RABGAP1L: variants seen among roughly 807,000 people sequenced by gnomAD.
RABGAP1L encodes the protein RAB GTPase activating protein 1 like.
A neutral mutation model predicts 137.7 loss-of-function variants in RABGAP1L; 63 were observed. The observed-to-expected ratio is 0.46, with a 90% CI of 0.37 to 0.56. The LOEUF is 0.56. Ranked by LOEUF, RABGAP1L falls within the 20% of genes least tolerant of loss-of-function variation. The probability of loss-of-function intolerance (pLI) is 0.00; values close to 1 mark genes in which losing one functional copy is unlikely to be tolerated. For synonymous variants in RABGAP1L, 431 were observed against 433.7 expected (o/e 0.99, Z 0.08); for missense variants, 1,095 against 1,244.0 (o/e 0.88, Z 1.80).
intron 13 of RABGAP1L, among the ~76,000 whole-genome samples, chr1:174,489,356 A>G (rs1359611315): frequency 6.6e-6 from 1 of 152,162 alleles, no homozygotes; most frequent in Non-Finnish European, 1.5e-5. Flanking sequence ...ACCCCATCAA[A>G]AAGTGGACGA....
intron 18 of RABGAP1L, among the ~76,000 whole-genome samples, chr1:174,789,357 A>G (rs534267544): frequency 9.8e-5 from 15 of 152,330 alleles, no homozygotes; most frequent in African/African-American, 2.9e-4. Context: ...TTTAGTATGT[A>G]AAAACATGGG....
At chr1:174,856,579 C>G (rs181361103) in intron 19 of RABGAP1L, among the ~76,000 whole-genome samples, 1 of 152,172 alleles carries the variant, frequency 6.6e-6, no homozygotes, top group East Asian at 1.9e-4. Context: ...AGGTCAACCA[C>G]TGTTTTACTG....
chr1:174,977,312 G>A (rs1235600416), intron 22 of RABGAP1L, among the ~76,000 whole-genome samples: 2 of 152,110 alleles, frequency 1.3e-5, no homozygotes, highest in African/African-American at 4.8e-5. Context: ...ATTTTCAGGG[G>A]CTGATTACCC....
At chr1:174,938,563 G>A (rs1345151782) in intron 19 of RABGAP1L, 1 of 152,190 alleles carries the variant, frequency 6.6e-6, no homozygotes, top group Admixed American at 6.5e-5. Flanking sequence ...ATGAAAGACA[G>A]CAACAGACTC....
chr1:174,173,679 G>A (rs1034473243), intron 1 of RABGAP1L, among the ~76,000 whole-genome samples: 1 of 150,530 alleles, frequency 6.6e-6, no homozygotes, highest in Non-Finnish European at 1.5e-5. Flanking sequence ...TTATTTATAA[G>A]GTAGAATATG....
intron 19 of RABGAP1L, among the ~76,000 whole-genome samples, chr1:174,881,658 C>T (rs1249762492): frequency 6.6e-6 from 1 of 151,702 alleles, no homozygotes; most frequent in Non-Finnish European, 1.5e-5. Context: ...AGCCACCATG[C>T]CCAGCTAATT....
chr1:174,926,129 G>C (rs1223009200), intron 19 of RABGAP1L, among the ~76,000 whole-genome samples: 2 of 151,646 alleles, frequency 1.3e-5, no homozygotes, highest in Non-Finnish European at 2.9e-5. Flanking sequence ...TTTTGTGTCT[G>C]GGCTCTTTAA....
intron 13 of RABGAP1L, among the ~76,000 whole-genome samples, chr1:174,556,779 C>G (rs2072758): frequency 6.6e-6 from 1 of 152,110 alleles, no homozygotes; most frequent in Non-Finnish European, 1.5e-5. Flanking sequence ...CACATTTCTC[C>G]GAGTACAAAC....
intron 13 of RABGAP1L, among the ~76,000 whole-genome samples, chr1:174,460,498 G>T (rs1656557817): frequency 6.6e-6 from 1 of 151,718 alleles, no homozygotes; most frequent in African/African-American, 2.4e-5. Flanking sequence ...CCATATTATT[G>T]CATATTGTTT....
At chr1:174,727,199 C>T (rs566451899) in intron 17 of RABGAP1L, among the ~76,000 whole-genome samples, 18 of 152,278 alleles carry the variant, frequency 1.2e-4, no homozygotes, top group Admixed American at 7.8e-4. Context: ...CCTTTCCTTT[C>T]GCTAAAATGT....
intron 14 of RABGAP1L, among the ~76,000 whole-genome samples, chr1:174,679,212 T>G (rs1188659062): frequency 6.6e-6 from 1 of 152,178 alleles, no homozygotes; most frequent in Admixed American, 6.5e-5. Flanking sequence ...ACTACCTGAT[T>G]GGTCGGGTGT....
chr1:174,632,972 C>T (rs1032902091), intron 13 of RABGAP1L, among the ~76,000 whole-genome samples: 20 of 152,072 alleles, frequency 1.3e-4, no homozygotes, highest in East Asian at 9.7e-4. Flanking sequence ...AGGCGCTCTG[C>T]GTTTTAGAGT....
intron 13 of RABGAP1L, among the ~76,000 whole-genome samples, chr1:174,628,469 C>A (rs865870591): frequency 2.6e-5 from 4 of 152,098 alleles, no homozygotes; most frequent in Admixed American, 2.6e-4. Flanking sequence ...ATTTATTTAA[C>A]AAGTACTCAG....
intron 14 of RABGAP1L, among the ~76,000 whole-genome samples, chr1:174,641,402 A>G (rs980143687): frequency 1.3e-5 from 2 of 152,072 alleles, no homozygotes; most frequent in Non-Finnish European, 2.9e-5. Context: ...ATTAATTTGT[A>G]TGGGGGAAGT....
intron 11 of RABGAP1L, among the ~76,000 whole-genome samples, chr1:174,337,135 T>C (rs1681555414): frequency 6.6e-6 from 1 of 152,074 alleles, no homozygotes; most frequent in Admixed American, 6.6e-5. Context: ...ACAGTTTCCA[T>C]GGGTCAGAAG....
At chr1:174,609,091 A>G (rs1398768409) in intron 13 of RABGAP1L, among the ~76,000 whole-genome samples, 2 of 152,176 alleles carry the variant, frequency 1.3e-5, no homozygotes, top group Admixed American at 6.6e-5. Flanking sequence ...ACTAATCACT[A>G]TGCAAAGTAA....
At chr1:174,927,892 T>A (rs546067495) in intron 19 of RABGAP1L, among the ~76,000 whole-genome samples, 1 of 152,326 alleles carries the variant, frequency 6.6e-6, no homozygotes, top group East Asian at 1.9e-4. Flanking sequence ...TCACAGCTGC[T>A]TGGTGACCAG....
At chr1:174,369,760 A>G (rs901108382) in intron 11 of RABGAP1L, among the ~76,000 whole-genome samples, 1 of 152,196 alleles carries the variant, frequency 6.6e-6, no homozygotes, top group Non-Finnish European at 1.5e-5. Flanking sequence ...AGGTATTTCT[A>G]GAACAGTCAT....
chr1:174,571,755 TA>T (rs1164409266), intron 13 of RABGAP1L, among the ~76,000 whole-genome samples: 1 of 152,108 alleles, frequency 6.6e-6, no homozygotes, highest in Non-Finnish European at 1.5e-5. Flanking sequence ...AAAAGGGCAA[TA>T]AAATTTTGAA....
Sources: gnomAD v4.1 joint callset for allele counts (sites outside exome capture counted in the v4.1 genomes callset) on GRCh38, gnomAD v4.1.1 for gene constraint, MANE v1.5 for transcripts, NCBI Gene and HGNC (gene_info 2026-07-23, HGNC 2026-07-21) for gene names.